The following INPP5A variants were observed in gnomAD, a reference collection of about 807,000 sequenced individuals.
INPP5A encodes 43 kDa inositol polyphosphate 5-phophatase.
Under a neutral mutation model 65.2 loss-of-function variants are expected in INPP5A, and 14 were observed. The ratio of observed to expected loss-of-function variants is 0.21; its 90% confidence interval spans 0.14 to 0.34. INPP5A has a LOEUF of 0.34. Ranked by LOEUF, INPP5A falls within the 10% of genes least tolerant of loss-of-function variation. The pLI is 1.00. For missense variants in INPP5A, 431 were observed against 545.6 expected (o/e 0.79, Z 2.09); for synonymous variants, 207 against 208.3 (o/e 0.99, Z 0.05).
chr10:132,689,420 A>G (rs1377013371), intron 4 of INPP5A, among the ~76,000 whole-genome samples: 1 of 152,232 alleles, frequency 6.6e-6, no homozygotes. Context: ...CCCACAGGGC[A>G]CACAGCTATC....
rs111410131 is a variant in INPP5A at position 132,624,280 on chromosome 10, G to A, written c.117+16324G>A. ...CATTTCTGGGTCACATGGAAGCGGG[G>A]GAGCTGTGGGCACAGAGATGAGCGG... On this transcript the variant is annotated intron_variant, in intron 2 of 15. Transcript: ENST00000368594. Among the ~76,000 whole-genome samples, 448 of 152,364 alleles carry A rather than the reference G, an allele frequency of 2.9e-3. 2 individuals carry two copies. The highest frequency in any genetic ancestry group is 0.01 in the African/African-American group (428 of 41,580).
At chr10:132,629,485 T>C (rs548323014) in intron 2 of INPP5A, among the ~76,000 whole-genome samples, 14 of 152,368 alleles carry the variant, frequency 9.2e-5, no homozygotes, top group African/African-American at 3.4e-4. Context: ...TACATTTGCA[T>C]GCATAGCGGA....
At chr10:132,776,010 G>A (rs891046780) in intron 12 of INPP5A, among the ~76,000 whole-genome samples, 1 of 151,738 alleles carries the variant, frequency 6.6e-6, no homozygotes, top group Non-Finnish European at 1.5e-5. Flanking sequence ...ATGTGTCCAG[G>A]GGCAGTGGAC....
chr10:132,758,488 A>G (rs1235123751), intron 11 of INPP5A, among the ~76,000 whole-genome samples: 112 of 116,528 alleles, frequency 9.6e-4, no homozygotes, highest in Middle Eastern at 6.4e-3. Flanking sequence ...CCCACAGCCC[A>G]GCACCATGGC....
intron 5 of INPP5A, among the ~76,000 whole-genome samples, chr10:132,691,695 T>A (rs954042580): frequency 2.6e-5 from 4 of 152,094 alleles, no homozygotes; most frequent in Admixed American, 1.3e-4. Flanking sequence ...GTGGCCAAAC[T>A]AACAAGAACA....
intron 1 of INPP5A, among the ~76,000 whole-genome samples, chr10:132,586,011 C>T (rs1348708387): frequency 2.6e-5 from 4 of 152,218 alleles, no homozygotes. Flanking sequence ...CCCTGGACCT[C>T]GCCGCTTGTC....
At chr10:132,567,346 A>G (rs1403595843) in intron 1 of INPP5A, among the ~76,000 whole-genome samples, 6 of 152,218 alleles carry the variant, frequency 3.9e-5, no homozygotes, top group African/African-American at 9.6e-5. Flanking sequence ...GGGGCTCACT[A>G]TGTTCCCCAA....
In INPP5A at chr10:132,546,146, G is replaced by A. The variant is rs1048872145; in HGVS notation, c.75+7975G>A. On this transcript the variant is annotated intron_variant, in intron 1 of 15. Transcript: ENST00000368594. This position sits in a 1 kb window ranked among gnomAD's most constrained non-coding sequence, Gnocchi z 5.7. The stretch of plus-strand genomic sequence containing the variant: ...TGCTCATGTGACCGAGGACGCTTCC[G>A]AGGATGTGGAAGCCACCAGTCGTCC... 2.6e-5 allele frequency among the ~76,000 whole-genome samples: 4 copies of A among 152,218 alleles called. No individual in the cohort carries two copies. The highest frequency in any genetic ancestry group is 4.1e-4 in the South Asian group (2 of 4,834).
At position 132,659,851 on chromosome 10, in the gene INPP5A, A is replaced by G. The variant is rs1262391864; in HGVS notation, c.306+9346A>G. 6.6e-6 allele frequency among the ~76,000 whole-genome samples: 1 copy of G among 152,234 alleles called. No individual in the cohort carries two copies. Among genetic ancestry groups the G allele is most frequent in the African/African-American group, 2.4e-5 (1 of 41,466 alleles). On this transcript the variant is annotated intron_variant, in intron 4 of 15. Coordinates refer to ENST00000368594, the MANE Select transcript of INPP5A (RefSeq NM_005539.5). This position sits in a 1 kb window ranked among gnomAD's most constrained non-coding sequence, Gnocchi z 5.5. ...TGCCTCATCACAGAGCCAGATGCCC[A>G]CAACAGGATCCAGTGCTGTCAGCTG...
At chr10:132,694,803 C>T (rs746541993) in intron 5 of INPP5A, among the ~76,000 whole-genome samples, 30 of 152,106 alleles carry the variant, frequency 2.0e-4, no homozygotes, top group South Asian at 1.0e-3. Flanking sequence ...TGGGCCAATT[C>T]CTTGAAAGAC....
chr10:132,663,491 G>A lies in INPP5A; in HGVS notation c.306+12986G>A, dbSNP rs2072762701. On this transcript the variant is annotated intron_variant, in intron 4 of 15. Transcript: ENST00000368594. This position sits in a 1 kb window ranked among gnomAD's most constrained non-coding sequence, Gnocchi z 4.5. ...TTGCCTTGGCCTCTCAAAGTGCTGG[G>A]ATTACAGGTGCGAACCACTGTGCCC... is the stretch of plus-strand genomic sequence containing the variant. Among the ~76,000 whole-genome samples, 1 of 152,218 alleles carries A rather than the reference G, an allele frequency of 6.6e-6. No individual in the cohort carries two copies. Among genetic ancestry groups the A allele is most frequent in the South Asian group, 2.1e-4 (1 of 4,832 alleles).
At chr10:132,552,253 G>T (rs1363506664) in intron 1 of INPP5A, among the ~76,000 whole-genome samples, 1 of 146,142 alleles carries the variant, frequency 6.8e-6, no homozygotes, top group Non-Finnish European at 1.5e-5. Context: ...CCTTCTCAGA[G>T]CCTTGGTGGC....
chr10:132,574,576 A>T (rs929450746), intron 1 of INPP5A, among the ~76,000 whole-genome samples: 7 of 150,760 alleles, frequency 4.6e-5, no homozygotes, highest in Non-Finnish European at 8.8e-5. Flanking sequence ...AGGGGTGAAC[A>T]GAGGTCTTAG....
rs748016105 is a variant in INPP5A, at chr10:132,706,989, T to A, written c.475-1324T>A. The stretch of plus-strand genomic sequence containing the variant: ...GCTGTTGTCTGGCACGTGCGCATAC[T>A]GGAGGAGCCAAAGGGGACGGTGGCC... On this transcript the variant is annotated intron_variant, in intron 6 of 15. Coordinates refer to ENST00000368594, the MANE Select transcript of INPP5A (RefSeq NM_005539.5). This position sits in a 1 kb window ranked among gnomAD's most constrained non-coding sequence, Gnocchi z 4.7. Among the ~76,000 whole-genome samples, 9 of 152,234 alleles carry A rather than the reference T, an allele frequency of 5.9e-5. No homozygotes were observed. Among genetic ancestry groups the A allele is most frequent in the Non-Finnish European group, 1.2e-4 (8 of 68,038 alleles).
chr10:132,721,727 A>G (rs1420203891), intron 8 of INPP5A, among the ~76,000 whole-genome samples: 2 of 142,680 alleles, frequency 1.4e-5, no homozygotes, highest in Non-Finnish European at 3.0e-5. Flanking sequence ...GGCGCCTTAG[A>G]CTGCTGTCTT....
chr10:132,566,534 G>GT (rs1341071279), intron 1 of INPP5A, among the ~76,000 whole-genome samples: 2 of 152,216 alleles, frequency 1.3e-5, no homozygotes, highest in Non-Finnish European at 2.9e-5. Context: ...TACTAGAAAC[G>GT]TAAGGATAAG....
At chr10:132,612,549 G>T (rs2071974833) in intron 2 of INPP5A, among the ~76,000 whole-genome samples, 1 of 152,044 alleles carries the variant, frequency 6.6e-6, no homozygotes. Flanking sequence ...AGGCTGTGCA[G>T]GGGGCCTGGC....
At chr10:132,773,235 G>A (rs1267615646) in intron 12 of INPP5A, among the ~76,000 whole-genome samples, 2 of 152,186 alleles carry the variant, frequency 1.3e-5, no homozygotes, top group African/African-American at 4.8e-5. Flanking sequence ...CCGTCAAAAC[G>A]TTTCAAAGTT....
chr10:132,645,053 C>T (rs568780310), intron 2 of INPP5A, among the ~76,000 whole-genome samples: 77 of 152,292 alleles, frequency 5.1e-4, no homozygotes, highest in African/African-American at 1.4e-3. Context: ...TGGTGGAAGC[C>T]GCCAGGTCAC....
Sources: gnomAD v4.1 joint callset for allele counts (sites outside exome capture counted in the v4.1 genomes callset) on GRCh38, gnomAD v4.1.1 for gene constraint, Gnocchi (gnomAD v3.1) non-coding constraint, MANE v1.5 for transcripts, NCBI Gene and HGNC (gene_info 2026-07-23, HGNC 2026-07-21) for gene names.